Variants in LUZP2 observed in about 807,000 individuals in gnomAD.
LUZP2 encodes the protein leucine zipper protein 2.
A neutral mutation model predicts 51.6 loss-of-function variants in LUZP2; 52 were observed. The observed-to-expected ratio is 1.01, with a 90% CI of 0.81 to 1.27. The LOEUF is 1.27. Ranked by LOEUF, LUZP2 falls within the 50% of genes most tolerant of loss-of-function variation. The pLI, the probability that LUZP2 is intolerant of heterozygous loss-of-function variation, is 0.00. For synonymous variants in LUZP2, 154 were observed against 137.3 expected, an observed-to-expected ratio of 1.12 and a Z score of -0.85; for missense variants, 436 against 395.4, an observed-to-expected ratio of 1.10 and a Z score of -0.87.
chr11:25,028,670 G>A (rs964304169), intron 9 of LUZP2, among the ~76,000 whole-genome samples: 22 of 149,962 alleles, frequency 1.5e-4, no homozygotes, highest in Admixed American at 4.0e-4. Context: ...GTAGAATTAT[G>A]TACCATTTTT....
intron 9 of LUZP2, among the ~76,000 whole-genome samples, chr11:25,031,078 T>G (rs1384436279): frequency 2.9e-5 from 4 of 137,008 alleles, no homozygotes; most frequent in African/African-American, 8.0e-5. Context: ...AGTGGTGTGA[T>G]CTCATCTCAT....
intron 4 of LUZP2, among the ~76,000 whole-genome samples, chr11:24,748,866 G>A (rs1859476664): frequency 6.6e-6 from 1 of 152,134 alleles, no homozygotes; most frequent in South Asian, 2.1e-4. Flanking sequence ...GTGTGATTTT[G>A]CGTGAGGAAA....
intron 9 of LUZP2, among the ~76,000 whole-genome samples, chr11:24,999,440 G>A (rs1036643188): frequency 6.6e-6 from 1 of 151,258 alleles, no homozygotes; most frequent in African/African-American, 2.4e-5. Flanking sequence ...GAGGAAGAAG[G>A]AGGAGAAGGA....
chr11:24,758,417 G>A (rs1859853192), intron 4 of LUZP2, among the ~76,000 whole-genome samples: 1 of 151,722 alleles, frequency 6.6e-6, no homozygotes, highest in African/African-American at 2.4e-5. Context: ...GTGGAATCTA[G>A]GGAAAGATTA....
At chr11:24,658,375 G>T (rs181933762) in intron 1 of LUZP2, among the ~76,000 whole-genome samples, 39 of 152,232 alleles carry the variant, frequency 2.6e-4, no homozygotes, top group African/African-American at 8.2e-4. Context: ...TAGCCATATG[G>T]AGAAAGCTGA....
rs112328354 is a variant in LUZP2, at chr11:24,847,341, G to A, written c.397-58650G>A. Among the ~76,000 whole-genome samples, 1,090 of 151,864 alleles carry A rather than the reference G, an allele frequency of 7.2e-3. 13 individuals carry two copies. Among genetic ancestry groups the A allele is most frequent in the African/African-American group, 0.025 (1,023 of 41,410 alleles). ...TTGGCATGTCTCTTTAGTTTTCTTCGGTACTGAGTGATTCCTCAGTTTTTT... is the reference window on the plus strand; with the variant it reads ...TTGGCATGTCTCTTTAGTTTTCTTCAGTACTGAGTGATTCCTCAGTTTTTT... On this transcript the variant is annotated intron_variant, in intron 5 of 11. Transcript: ENST00000336930.
intron 1 of LUZP2, among the ~76,000 whole-genome samples, chr11:24,528,801 G>T (rs940343269): frequency 6.6e-6 from 1 of 151,060 alleles, no homozygotes; most frequent in Non-Finnish European, 1.5e-5. Context: ...AGGCTTTTCT[G>T]GTTATGCTTC....
rs187405832 is a variant in LUZP2, at chr11:25,036,715, A to C, written c.766-13323A>C. 5.8e-4 allele frequency among the ~76,000 whole-genome samples: 89 copies of C among 152,204 alleles called. No homozygotes were observed. In the East Asian group the frequency reaches 0.015, roughly 25 times the overall value. Reference sequence around the variant, plus strand: ...ATGTTTTTTTTCCTGACCTAATGTCAGTATTCACTCAGGTGTTAATCAGGA... The same window carrying C: ...ATGTTTTTTTTCCTGACCTAATGTCCGTATTCACTCAGGTGTTAATCAGGA... On this transcript the variant is annotated intron_variant, in intron 9 of 11. Transcript: ENST00000336930.
At chr11:24,998,429 A>T (rs896219819) in intron 9 of LUZP2, among the ~76,000 whole-genome samples, 6 of 152,002 alleles carry the variant, frequency 3.9e-5, no homozygotes, top group Non-Finnish European at 7.4e-5. Flanking sequence ...TTTGTCTGTT[A>T]TTGGTGTATA....
rs1287351269 is a variant in LUZP2 at position 24,802,413 on chromosome 11, T to C, written c.396+39105T>C. Among the ~76,000 whole-genome samples, 4 of 152,008 alleles carry C rather than the reference T, an allele frequency of 2.6e-5. No individual in the cohort carries two copies. The East Asian group carries it at 7.7e-4, about 29-fold the overall frequency. On this transcript the variant is annotated intron_variant, in intron 5 of 11. Coordinates refer to ENST00000336930, the MANE Select transcript of LUZP2 (RefSeq NM_001009909.4). ...GAGTTTTGGTGACTGTATAGACACA[T>C]TTATGTTGGGTTTCTACAGTCTGTT...
chr11:24,528,240 A>C (rs1850879070), intron 1 of LUZP2, among the ~76,000 whole-genome samples: 1 of 151,264 alleles, frequency 6.6e-6, no homozygotes, highest in Non-Finnish European at 1.5e-5. Flanking sequence ...ATCAACAAAC[A>C]AAATGATCCT....
intron 5 of LUZP2, chr11:24,786,421 G>A: frequency 4.1e-6 from 4 of 982,084 alleles, no homozygotes; most frequent in Non-Finnish European, 4.8e-6. Context: ...GTATACATAT[G>A]CAATTTTTCA....
chr11:25,049,808 G>A (rs964557071), intron 9 of LUZP2, among the ~76,000 whole-genome samples: 1 of 151,768 alleles, frequency 6.6e-6, no homozygotes, highest in Non-Finnish European at 1.5e-5. Context: ...CATCACTAAT[G>A]CAAAATTAAA....
intron 1 of LUZP2, among the ~76,000 whole-genome samples, chr11:24,549,412 C>A (rs977595197): frequency 6.6e-6 from 1 of 151,990 alleles, no homozygotes; most frequent in Non-Finnish European, 1.5e-5. Context: ...GAAGGGCCTG[C>A]CTGAGGTCGT....
chr11:24,940,883 G>GA (rs1854727683), intron 7 of LUZP2, among the ~76,000 whole-genome samples: 1 of 152,078 alleles, frequency 6.6e-6, no homozygotes, highest in Non-Finnish European at 1.5e-5. Context: ...TAAGGTATGT[G>GA]AATCTACAAA....
chr11:24,998,057 G>A (rs1361253784), intron 9 of LUZP2, among the ~76,000 whole-genome samples: 6 of 152,154 alleles, frequency 3.9e-5, no homozygotes, highest in Admixed American at 6.6e-5. Context: ...GTAGCGTGAT[G>A]CCTCCAGCTT....
Position 24,826,383 on chromosome 11 carries a change from T to A in LUZP2, c.396+63075T>A, listed in dbSNP as rs1483030294. ...AAAGAAAATGAAACCGAATTGACTG[T>A]CAGTGAATTGGGAGATTACACTACT... is the stretch of plus-strand genomic sequence containing the variant. On this transcript the variant is annotated intron_variant, in intron 5 of 11. Transcript: ENST00000336930. Among the ~76,000 whole-genome samples the A allele has an allele frequency of 2.6e-5, 4 of 151,660 alleles. No homozygotes were observed. In the East Asian group the frequency reaches 7.8e-4, roughly 30 times the overall value.
At chr11:24,680,238 A>G (rs1387098947) in intron 1 of LUZP2, among the ~76,000 whole-genome samples, 1 of 152,228 alleles carries the variant, frequency 6.6e-6, no homozygotes, top group Non-Finnish European at 1.5e-5. Context: ...GCAGAAAAGG[A>G]GCAAGGCTCA....
At chr11:24,802,247 A>G (rs1344483815) in intron 5 of LUZP2, among the ~76,000 whole-genome samples, 1 of 152,076 alleles carries the variant, frequency 6.6e-6, no homozygotes, top group Non-Finnish European at 1.5e-5. Context: ...TAGCTATGAT[A>G]TAGTTTGCTT....
Sources: allele counts gnomAD v4.1 joint callset (sites outside exome capture counted in the v4.1 genomes callset), GRCh38; gene constraint gnomAD v4.1.1; transcripts MANE v1.5; gene names NCBI Gene and HGNC (gene_info 2026-07-23, HGNC 2026-07-21).